Variants in BBS9 observed in about 807,000 individuals in gnomAD.
BBS9 encodes Bardet-Biedl syndrome 9, also known as protein PTHB1.
BBS9 carries 89 observed loss-of-function variants against 117.7 expected under a neutral mutation model. The observed-to-expected ratio is 0.76, with a 90% CI of 0.64 to 0.90. BBS9 has a LOEUF of 0.90. BBS9 is among the 40% of genes least tolerant of loss of function. BBS9 has a pLI of 0.00. For synonymous variants in BBS9, 379 were observed against 370.9 expected, an observed-to-expected ratio of 1.02 and a Z score of -0.25; for missense variants, 982 against 1,042.2, an observed-to-expected ratio of 0.94 and a Z score of 0.80.
intron 19 of BBS9, among the ~76,000 whole-genome samples, chr7:33,452,551 T>C (rs1838045135): frequency 6.6e-6 from 1 of 152,212 alleles, no homozygotes; most frequent in African/African-American, 2.4e-5. Flanking sequence ...ATGTCCCTTA[T>C]GGGGTTGTTT....
Position 33,211,671 on chromosome 7 carries a change from A to G in BBS9, c.442+34080A>G, listed in dbSNP as rs1424558055. 2.0e-5 allele frequency among the ~76,000 whole-genome samples: 3 copies of G among 152,108 alleles called. No individual in the cohort carries two copies. In the East Asian group the frequency reaches 5.8e-4, roughly 29 times the overall value. ...GGTTTTGTAATATTTCTGTGTCCTT[A>G]CTATTGCCAATGTGTTTTGTACCTT... On this transcript the variant is annotated intron_variant, in intron 5 of 22. Transcript: ENST00000242067.
intron 21 of BBS9, among the ~76,000 whole-genome samples, chr7:33,593,208 T>TA (rs1325002201): frequency 6.6e-6 from 1 of 152,142 alleles, no homozygotes; most frequent in Non-Finnish European, 1.5e-5. Flanking sequence ...CAGTAGATCT[T>TA]ACATTTCATT....
intron 19 of BBS9, among the ~76,000 whole-genome samples, chr7:33,476,191 G>A (rs1841777372): frequency 6.6e-6 from 1 of 152,116 alleles, no homozygotes; most frequent in Non-Finnish European, 1.5e-5. Flanking sequence ...TTTTACATAA[G>A]TGAAATATGA....
At chr7:33,206,177 T>G (rs1786883815) in intron 5 of BBS9, among the ~76,000 whole-genome samples, 1 of 152,180 alleles carries the variant, frequency 6.6e-6, no homozygotes, top group East Asian at 1.9e-4. Context: ...ACTGTATCAG[T>G]TAATGACCCA....
intron 21 of BBS9, among the ~76,000 whole-genome samples, chr7:33,611,668 A>C (rs899001920): frequency 1.4e-4 from 20 of 138,274 alleles, no homozygotes; most frequent in Non-Finnish European, 2.1e-4. Context: ...TAAATGATTG[A>C]TATTTAATCC....
Position 33,351,309 on chromosome 7 carries a change from A to G in BBS9, c.1523A>G (p.Tyr508Cys). The change falls in exon 14 of 23, where the codon TAT (tyrosine) becomes TGT (cysteine). Residue 508 changes from tyrosine (Y) to cysteine (C), a missense_variant. Physicochemically the swap from Tyr to Cys is radical, Grantham distance 194. Coordinates refer to ENST00000242067, the MANE Select transcript of BBS9 (RefSeq NM_198428.3). ...TTGGAAGGAAATGCTGTTGTTTCTT[A>G]TTCCAGACCAACAGGTAAACATACA... ...SELEGNAVVS[Y>C]SRPTDRNPDG... 6.2e-7 allele frequency: 1 copy of G among 1,606,514 alleles called. No individual in the cohort carries two copies. Among genetic ancestry groups the G allele is most frequent in the Non-Finnish European group, 8.5e-7 (1 of 1,173,120 alleles).
At chr7:33,625,856 C>A (rs1386994788) in intron 21 of BBS9, among the ~76,000 whole-genome samples, 1 of 152,144 alleles carries the variant, frequency 6.6e-6, no homozygotes, top group Non-Finnish European at 1.5e-5. Context: ...AATATATAAT[C>A]ATCTTAGTTA....
At chr7:33,242,844 G>A (rs891433366) in intron 5 of BBS9, 1 of 410,250 alleles carries the variant, frequency 2.4e-6, no homozygotes, top group African/African-American at 2.0e-5. Flanking sequence ...TAGAAATTAT[G>A]TCATTAGGTA....
At position 33,410,961 on chromosome 7, in the gene BBS9, A is replaced by G. The variant is rs536603256; in HGVS notation, c.2115+22817A>G. Among the ~76,000 whole-genome samples the G allele has an allele frequency of 6.1e-4, 90 of 146,446 alleles. No homozygotes were observed. The South Asian group carries it at 0.019, about 31-fold the overall frequency. On this transcript the variant is annotated intron_variant, in intron 19 of 22. Coordinates refer to ENST00000242067, the MANE Select transcript of BBS9 (RefSeq NM_198428.3). Reference sequence around the variant, plus strand: ...TATTTCATGTATCCGTCTAATATATATATATATATAATCTTGGCCACAGAC... The same window carrying G: ...TATTTCATGTATCCGTCTAATATATGTATATATATAATCTTGGCCACAGAC...
intron 9 of BBS9, among the ~76,000 whole-genome samples, chr7:33,321,102 T>C (rs547549113): frequency 3.3e-5 from 5 of 152,244 alleles, no homozygotes; most frequent in Non-Finnish European, 5.9e-5. Flanking sequence ...TTTGTGTCTG[T>C]TTTTATGCCA....
chr7:33,503,817 C>T (rs773949757), intron 19 of BBS9, among the ~76,000 whole-genome samples: 2 of 152,004 alleles, frequency 1.3e-5, no homozygotes, highest in South Asian at 2.1e-4. Flanking sequence ...GGGAGGAACA[C>T]GATTCCAGGT....
upstream of BBS9, chr7:33,129,414 C>G: frequency 3.4e-6 from 1 of 293,770 alleles, no homozygotes; most frequent in Non-Finnish European, 6.3e-6. Flanking sequence ...GTGGTTCACT[C>G]GAGCCCCGCC....
intron 21 of BBS9, among the ~76,000 whole-genome samples, chr7:33,543,030 T>C (rs1852653130): frequency 6.6e-6 from 1 of 152,174 alleles, no homozygotes; most frequent in Non-Finnish European, 1.5e-5. Flanking sequence ...TTTTAAGGAA[T>C]CTCCACACTG....
At chr7:33,266,337 T>C (rs900158283) in intron 7 of BBS9, among the ~76,000 whole-genome samples, 2 of 152,220 alleles carry the variant, frequency 1.3e-5, no homozygotes, top group Non-Finnish European at 2.9e-5. Flanking sequence ...AATGGAGTGA[T>C]TTTAATAAGA....
At chr7:33,199,186 C>T (rs557801444) in intron 5 of BBS9, among the ~76,000 whole-genome samples, 1 of 151,926 alleles carries the variant, frequency 6.6e-6, no homozygotes, top group East Asian at 1.9e-4. Flanking sequence ...CTTCTCTTGC[C>T]CAACTTCCTG....
At chr7:33,417,619 T>C (rs1248634538) in intron 19 of BBS9, among the ~76,000 whole-genome samples, 1 of 152,242 alleles carries the variant, frequency 6.6e-6, no homozygotes, top group Non-Finnish European at 1.5e-5. Flanking sequence ...AAGGTTGCCA[T>C]AACTGTTTAG....
intron 5 of BBS9, among the ~76,000 whole-genome samples, chr7:33,183,813 A>C (rs59446325): frequency 0.095 from 14,432 of 151,814 alleles, 744 homozygotes; most frequent in South Asian, 0.13. Flanking sequence ...AACCTCATTC[A>C]GTTTTTTTTT....
intron 21 of BBS9, among the ~76,000 whole-genome samples, chr7:33,625,723 A>G (rs1390932521): frequency 6.6e-6 from 1 of 152,138 alleles, no homozygotes; most frequent in Non-Finnish European, 1.5e-5. Context: ...CAATTCTCCT[A>G]CTTAGGTGGG....
chr7:33,156,005 C>T (rs915260929), intron 4 of BBS9, among the ~76,000 whole-genome samples: 2 of 152,138 alleles, frequency 1.3e-5, no homozygotes, highest in African/African-American at 4.8e-5. Context: ...ATTCTGGGTA[C>T]TTAAGACACT....
Sources: allele counts gnomAD v4.1 joint callset (sites outside exome capture counted in the v4.1 genomes callset), GRCh38; gene constraint gnomAD v4.1.1; transcripts MANE v1.5; gene names NCBI Gene and HGNC (gene_info 2026-07-23, HGNC 2026-07-21).